The following SSBP2 variants were observed in gnomAD, a reference collection of about 807,000 sequenced individuals.
SSBP2 encodes the protein single stranded DNA binding protein 2.
SSBP2 carries 17 observed loss-of-function variants against 61.8 expected under a neutral mutation model. That is an observed-to-expected ratio of 0.28 (90% CI 0.19 to 0.41). The LOEUF (loss-of-function observed/expected upper bound fraction) is 0.41. Ranked by LOEUF, SSBP2 falls within the 10% of genes least tolerant of loss-of-function variation. The probability of loss-of-function intolerance (pLI) is 1.00; values close to 1 mark genes in which losing one functional copy is unlikely to be tolerated. For synonymous variants in SSBP2, 139 were observed against 141.3 expected, an observed-to-expected ratio of 0.98 and a Z score of 0.12; for missense variants, 310 against 458.7, an observed-to-expected ratio of 0.68 and a Z score of 2.96.
At chr5:81,737,644 C>T (rs56087611) in intron 1 of SSBP2, among the ~76,000 whole-genome samples, 11,653 of 151,324 alleles carry the variant, frequency 0.077, 1,477 homozygotes, top group African/African-American at 0.27. Flanking sequence ...AAAAATTAGC[C>T]GGGTGTGGTG....
intron 9 of SSBP2, among the ~76,000 whole-genome samples, chr5:81,461,528 T>A (rs1436151871): frequency 6.6e-6 from 1 of 152,044 alleles, no homozygotes; most frequent in African/African-American, 2.4e-5. Context: ...TCAATATATG[T>A]AAAATGATTG....
chr5:81,738,824 G>A (rs1168518030), intron 1 of SSBP2, among the ~76,000 whole-genome samples: 1 of 151,956 alleles, frequency 6.6e-6, no homozygotes, highest in East Asian at 1.9e-4. Flanking sequence ...TTTCCAAAAC[G>A]ATTCTTCTAA....
At chr5:81,547,998 A>G (rs1771872665) in intron 4 of SSBP2, among the ~76,000 whole-genome samples, 1 of 152,230 alleles carries the variant, frequency 6.6e-6, no homozygotes, top group African/African-American at 2.4e-5. Flanking sequence ...GGAATATACA[A>G]TATACACGTA....
At chr5:81,464,549 A>G (rs1023388049) in intron 9 of SSBP2, among the ~76,000 whole-genome samples, 3 of 152,178 alleles carry the variant, frequency 2.0e-5, no homozygotes, top group African/African-American at 7.2e-5. Flanking sequence ...TTATTCTGCA[A>G]TAAAGAAATA....
intron 10 of SSBP2, among the ~76,000 whole-genome samples, chr5:81,455,920 G>C (rs780641489): frequency 3.3e-5 from 5 of 152,102 alleles, no homozygotes; most frequent in Admixed American, 6.5e-5. Flanking sequence ...GTGGTGCTGT[G>C]GTAGAGGGCA....
rs1766677869 is a variant in SSBP2, at chr5:81,489,309, G to A, written c.373C>T (p.Pro125Ser). Residue 125 changes from proline to serine, a missense_variant and splice_region_variant, in exon 6 of 17, where the codon CCT becomes TCT. Coordinates refer to ENST00000320672, the MANE Select transcript of SSBP2 (RefSeq NM_012446.5). The stretch of plus-strand genomic sequence containing the variant: ...CCAGGGTACCGAGGTGACATAAAAG[G>A]CTATTGAAGTAAAACAAATAAACAA... 3.1e-6 allele frequency: 5 copies of A among 1,602,248 alleles called. No homozygotes were observed. In the South Asian group the frequency reaches 4.5e-5, roughly 14 times the overall value.
Position 81,481,635 on chromosome 5 carries a change from C to A in SSBP2, c.433-7073G>T, listed in dbSNP as rs945121872. 4.1e-3 allele frequency among the ~76,000 whole-genome samples: 480 copies of A among 118,064 alleles called. 2 individuals are homozygous for A. The highest frequency in any genetic ancestry group is 0.013 in the African/African-American group (422 of 31,432). 77.5% of individuals were successfully genotyped at this position (118,064 alleles called of 152,430 possible). On this transcript the variant is annotated intron_variant, in intron 6 of 16. Transcript: ENST00000320672. ...AACTACATCTAAAAAAAAAAAAAAA[C>A]AAACTGAAAGTAAAATTACTCCTTG...
intron 1 of SSBP2, among the ~76,000 whole-genome samples, chr5:81,658,494 T>G (rs1187852642): frequency 6.6e-6 from 1 of 152,196 alleles, no homozygotes; most frequent in Non-Finnish European, 1.5e-5. Flanking sequence ...TTAAATCATC[T>G]CTAGATTACT....
At chr5:81,635,522 T>C (rs1425643666) in intron 3 of SSBP2, among the ~76,000 whole-genome samples, 3 of 151,952 alleles carry the variant, frequency 2.0e-5, no homozygotes, top group African/African-American at 7.3e-5. Context: ...CCAACGCTTA[T>C]AATTACCTAT....
At chr5:81,433,917 T>G (rs933794335) in intron 15 of SSBP2, among the ~76,000 whole-genome samples, 1 of 152,234 alleles carries the variant, frequency 6.6e-6, no homozygotes, top group African/African-American at 2.4e-5. Context: ...GTTCCTAGCC[T>G]TGTCCACAAA....
intron 1 of SSBP2, among the ~76,000 whole-genome samples, chr5:81,672,946 C>CAAA (rs1751696718): frequency 6.6e-6 from 1 of 151,256 alleles, no homozygotes; most frequent in African/African-American, 2.4e-5. Flanking sequence ...AAGCGATTCT[C>CAAA]ACGCCTCAGC....
In SSBP2 at chr5:81,538,494, G is replaced by T. The variant is rs115238435; in HGVS notation, c.283-24777C>A. On this transcript the variant is annotated intron_variant, in intron 4 of 16. Coordinates refer to ENST00000320672, the MANE Select transcript of SSBP2 (RefSeq NM_012446.5). ...CTAGCTAAGATCACTGATTATGGTGGTTATACCAAACAACAGATTTTCAGT... is the reference window on the plus strand; with the variant it reads ...CTAGCTAAGATCACTGATTATGGTGTTTATACCAAACAACAGATTTTCAGT... Among the ~76,000 whole-genome samples, 1,391 of 152,304 alleles carry T rather than the reference G, an allele frequency of 9.1e-3. 23 individuals are homozygous for T. Among genetic ancestry groups the T allele is most frequent in the African/African-American group, 0.032 (1,342 of 41,562 alleles).
At chr5:81,432,469 G>A (rs750673004) in intron 15 of SSBP2, among the ~76,000 whole-genome samples, 10 of 152,076 alleles carry the variant, frequency 6.6e-5, no homozygotes, top group South Asian at 2.1e-4. Flanking sequence ...CAAACCGGCC[G>A]GGCACGGTGG....
intron 1 of SSBP2, among the ~76,000 whole-genome samples, chr5:81,739,164 CAAAAAAAAAAAAAAAAAAA>C (rs71000859): frequency 2.0e-5 from 1 of 51,076 alleles, no homozygotes; most frequent in African/African-American, 7.1e-5. Context: ...ACTCCATCTC[CAAAAAAAAAAAAAAAAAAA>C]AAAAAAAAAA....
At chr5:81,433,452 C>T (rs1762465345) in intron 15 of SSBP2, among the ~76,000 whole-genome samples, 1 of 151,876 alleles carries the variant, frequency 6.6e-6, no homozygotes. Context: ...TCTCAAGTAC[C>T]CAGGGACACA....
chr5:81,510,724 G>A (rs1054022693), intron 5 of SSBP2, among the ~76,000 whole-genome samples: 25 of 151,610 alleles, frequency 1.6e-4, no homozygotes, highest in Non-Finnish European at 2.8e-4. Context: ...TCACGCCACT[G>A]CACTCAGCCT....
chr5:81,718,443 A>G lies in SSBP2; in HGVS notation c.62+32538T>C, dbSNP rs1255760012. On this transcript the variant is annotated intron_variant, in intron 1 of 16. Transcript: ENST00000320672. ...GTTTTGAAAGCAGGCAAAGTAAGCT[A>G]GCTCATGTCAGAGGTTATCCAGCAG... Among the ~76,000 whole-genome samples, 3 of 152,208 alleles carry G rather than the reference A, an allele frequency of 2.0e-5. No individual in the cohort carries two copies. The East Asian group carries it at 5.8e-4, about 29-fold the overall frequency.
At position 81,425,815 on chromosome 5, in the gene SSBP2, G is replaced by A. The variant is rs551465432; in HGVS notation, c.1056+2770C>T. ...ACCGCAAGGTTTATGACTTTGGGCT[G>A]GGCATTTTTGTTTCTATATTAATTG... On this transcript the variant is annotated intron_variant, in intron 16 of 16. Coordinates refer to ENST00000320672, the MANE Select transcript of SSBP2 (RefSeq NM_012446.5). Among the ~76,000 whole-genome samples, 5 of 152,136 alleles carry A rather than the reference G, an allele frequency of 3.3e-5. No individual in the cohort carries two copies. In the South Asian group the frequency reaches 1.0e-3, roughly 32 times the overall value.
intron 5 of SSBP2, among the ~76,000 whole-genome samples, chr5:81,489,667 C>A (rs1182211451): frequency 6.6e-6 from 1 of 152,028 alleles, no homozygotes; most frequent in African/African-American, 2.4e-5. Flanking sequence ...AGCTTACTGC[C>A]TATGTTATTA....
Sources: allele counts gnomAD v4.1 joint callset (sites outside exome capture counted in the v4.1 genomes callset), GRCh38; gene constraint gnomAD v4.1.1; transcripts MANE v1.5; gene names NCBI Gene and HGNC (gene_info 2026-07-23, HGNC 2026-07-21).